SPOCK3: variants seen among roughly 807,000 people sequenced by gnomAD.
The protein encoded by SPOCK3 is testican-3.
A neutral mutation model predicts 56.6 loss-of-function variants in SPOCK3; 30 were observed. The ratio of observed to expected loss-of-function variants is 0.53; its 90% confidence interval spans 0.40 to 0.72. The LOEUF (loss-of-function observed/expected upper bound fraction) is 0.72, where lower values mean the gene tolerates loss of function less well. Ranked by LOEUF, SPOCK3 falls within the 30% of genes least tolerant of loss-of-function variation. The probability of loss-of-function intolerance (pLI) is 0.00; values close to 1 mark genes in which losing one functional copy is unlikely to be tolerated. For synonymous variants in SPOCK3, 196 were observed against 183.3 expected (o/e 1.07, Z -0.56); for missense variants, 527 against 530.0 (o/e 0.99, Z 0.06).
chr4:167,021,658 A>C (rs1751188368), intron 3 of SPOCK3, among the ~76,000 whole-genome samples: 1 of 151,994 alleles, frequency 6.6e-6, no homozygotes, highest in Non-Finnish European at 1.5e-5. Flanking sequence ...GGAAATTCCT[A>C]GAATTACAGC....
intron 2 of SPOCK3, among the ~76,000 whole-genome samples, chr4:167,123,946 C>T (rs1212072399): frequency 1.3e-5 from 2 of 151,852 alleles, no homozygotes; most frequent in African/African-American, 2.4e-5. Flanking sequence ...AGGGTTTCAC[C>T]ATGTTGGCCA....
chr4:167,109,832 A>T (rs975982650), intron 2 of SPOCK3, among the ~76,000 whole-genome samples: 5 of 151,738 alleles, frequency 3.3e-5, no homozygotes, highest in Admixed American at 2.6e-4. Flanking sequence ...AAAAGAAAAT[A>T]AACCAAATAG....
At chr4:167,180,444 A>G (rs2110747688) in intron 2 of SPOCK3, among the ~76,000 whole-genome samples, 1 of 152,318 alleles carries the variant, frequency 6.6e-6, no homozygotes, top group South Asian at 2.1e-4. Context: ...GTGTTAAGCC[A>G]CAATCACGAG....
intron 8 of SPOCK3, among the ~76,000 whole-genome samples, chr4:166,751,061 T>G (rs1736316710): frequency 6.6e-6 from 1 of 152,170 alleles, no homozygotes; most frequent in African/African-American, 2.4e-5. Context: ...GTTTTTTAAG[T>G]AAGCCACTGC....
At chr4:166,993,639 G>A (rs1748039925) in intron 4 of SPOCK3, among the ~76,000 whole-genome samples, 1 of 152,014 alleles carries the variant, frequency 6.6e-6, no homozygotes, top group Non-Finnish European at 1.5e-5. Flanking sequence ...CATATCCTAT[G>A]ATCATGACAG....
chr4:166,992,543 T>C (rs1032021635), intron 4 of SPOCK3, among the ~76,000 whole-genome samples: 1 of 152,180 alleles, frequency 6.6e-6, no homozygotes, highest in Non-Finnish European at 1.5e-5. Flanking sequence ...TTTTCTTTTA[T>C]ATGAAAGGCA....
intron 6 of SPOCK3, among the ~76,000 whole-genome samples, chr4:166,838,746 C>T (rs1287344665): frequency 1.6e-4 from 22 of 139,736 alleles, no homozygotes; most frequent in African/African-American, 5.3e-4. Context: ...GTCAGGAGAT[C>T]GAGACTATCC....
intron 2 of SPOCK3, among the ~76,000 whole-genome samples, chr4:167,172,371 T>C (rs1730580231): frequency 6.6e-6 from 1 of 152,194 alleles, no homozygotes; most frequent in South Asian, 2.1e-4. Flanking sequence ...AATACCATTT[T>C]TCATACCCAA....
chr4:166,967,079 C>A lies in SPOCK3; in HGVS notation c.350+33270G>T, dbSNP rs765104491. Reference sequence around the variant, plus strand: ...ATTTGGTCAAAGATGTGAGAACTACCCCATGCTGATTTATGAAGTACTTCC... The same window carrying A: ...ATTTGGTCAAAGATGTGAGAACTACACCATGCTGATTTATGAAGTACTTCC... On this transcript the variant is annotated intron_variant, in intron 4 of 10. Coordinates refer to ENST00000357545, the MANE Select transcript of SPOCK3 (RefSeq NM_001040159.2). 4.6e-5 allele frequency among the ~76,000 whole-genome samples: 7 copies of A among 152,188 alleles called. No individual in the cohort carries two copies. In the South Asian group the frequency reaches 6.2e-4, roughly 14 times the overall value.
chr4:166,868,875 T>C (rs1174521522), intron 6 of SPOCK3, among the ~76,000 whole-genome samples: 1 of 152,162 alleles, frequency 6.6e-6, no homozygotes, highest in African/African-American at 2.4e-5. Flanking sequence ...TTATCTTTTT[T>C]TTCTATGCTA....
chr4:167,061,737 C>T lies in SPOCK3; in HGVS notation c.235+755G>A, dbSNP rs143113792. ...ACTTCACAAAGTATTATCTTTTGCA[C>T]GGTTACTATATACTCTATGTAAAGA... On this transcript the variant is annotated intron_variant, in intron 3 of 10. Transcript: ENST00000357545. Among the ~76,000 whole-genome samples, 23 of 152,014 alleles carry T rather than the reference C, an allele frequency of 1.5e-4. No homozygotes were observed. The East Asian group carries it at 3.9e-3, about 26-fold the overall frequency.
intron 2 of SPOCK3, among the ~76,000 whole-genome samples, chr4:167,147,837 A>G (rs1213974411): frequency 6.6e-6 from 1 of 152,088 alleles, no homozygotes; most frequent in Non-Finnish European, 1.5e-5. Context: ...AAGGGATAAC[A>G]TTAGGAGAAA....
At chr4:166,783,393 C>A (rs1268152745) in intron 7 of SPOCK3, among the ~76,000 whole-genome samples, 1 of 151,984 alleles carries the variant, frequency 6.6e-6, no homozygotes, top group Non-Finnish European at 1.5e-5. Flanking sequence ...AACCATATAA[C>A]TCAGGCTGCT....
chr4:166,956,679 C>T (rs72971686), intron 4 of SPOCK3, among the ~76,000 whole-genome samples: 12,616 of 151,970 alleles, frequency 0.083, 661 homozygotes, highest in African/African-American at 0.14. Context: ...GGGAGAGTAC[C>T]GTATTACCAA....
chr4:167,207,151 A>G (rs981142753), intron 2 of SPOCK3, among the ~76,000 whole-genome samples: 2 of 152,078 alleles, frequency 1.3e-5, no homozygotes, highest in Non-Finnish European at 2.9e-5. Flanking sequence ...AGTTGTTTTT[A>G]TTTATTTGAA....
Position 167,128,140 on chromosome 4 carries a change from A to C in SPOCK3, c.190-65603T>G, listed in dbSNP as rs541497056. 2.6e-5 allele frequency among the ~76,000 whole-genome samples: 4 copies of C among 152,244 alleles called. No individual in the cohort carries two copies. The East Asian group carries it at 5.8e-4, about 22-fold the overall frequency. On this transcript the variant is annotated intron_variant, in intron 2 of 10. Transcript: ENST00000357545. ...GTTCAAGCTTCTTTTCCATGCATAA[A>C]TTGCAAAATTGTTTAGATAGACCTT...
chr4:166,820,018 C>T (rs1488025345), intron 6 of SPOCK3, among the ~76,000 whole-genome samples: 2 of 152,030 alleles, frequency 1.3e-5, no homozygotes, highest in East Asian at 1.9e-4. Context: ...CCACTGTGCC[C>T]AGCCTGGACA....
chr4:166,861,693 G>T (rs1386969641), intron 6 of SPOCK3, among the ~76,000 whole-genome samples: 1 of 152,012 alleles, frequency 6.6e-6, no homozygotes, highest in Non-Finnish European at 1.5e-5. Context: ...ACTCATGCTG[G>T]TCATCCACAA....
At chr4:166,840,913 G>C (rs1014593446) in intron 6 of SPOCK3, among the ~76,000 whole-genome samples, 1 of 150,930 alleles carries the variant, frequency 6.6e-6, no homozygotes, top group Non-Finnish European at 1.5e-5. Flanking sequence ...CGAGTAGCTG[G>C]TACTATAGGT....
Sources: allele counts gnomAD v4.1 joint callset (sites outside exome capture counted in the v4.1 genomes callset), GRCh38; gene constraint gnomAD v4.1.1; transcripts MANE v1.5; gene names NCBI Gene and HGNC (gene_info 2026-07-23, HGNC 2026-07-21).